Variants in TLK2 observed in about 807,000 individuals in gnomAD.
TLK2 encodes the protein tousled like kinase 2, also known as serine/threonine-protein kinase tousled-like 2.
A neutral mutation model predicts 117.3 loss-of-function variants in TLK2; 6 were observed. The ratio of observed to expected loss-of-function variants is 0.05; its 90% CI spans 0.03 to 0.10. TLK2 has a LOEUF of 0.10. Ranked by LOEUF, TLK2 falls within the 10% of genes least tolerant of loss-of-function variation. TLK2 has a pLI of 1.00. For synonymous variants in TLK2, 257 were observed against 316.7 expected, an observed-to-expected ratio of 0.81 and a Z score of 2.00; for missense variants, 299 against 901.2, an observed-to-expected ratio of 0.33 and a Z score of 8.56.
Position 62,565,144 on chromosome 17 carries a change from G to T in TLK2, c.968+7G>T. ...CTTTTCAGAATCTTATCAAGTAAGT[G>T]AATTGTTATGATTAAATGGAGAATT... On this transcript the variant is annotated splice_region_variant and intron_variant, in intron 11 of 21. Coordinates refer to ENST00000346027, the MANE Select transcript of TLK2 (RefSeq NM_006852.6). 6.3e-7 allele frequency: 1 copy of T among 1,596,844 alleles called. No individual in the cohort carries two copies. Among genetic ancestry groups the T allele is most frequent in the African/African-American group, 1.4e-5 (1 of 73,882 alleles).
intron 6 of TLK2, among the ~76,000 whole-genome samples, chr17:62,530,037 G>A (rs1233191423): frequency 6.6e-6 from 1 of 151,964 alleles, no homozygotes; most frequent in Non-Finnish European, 1.5e-5. Flanking sequence ...ATCCCTGTCT[G>A]TACGAGGCAG....
At chr17:62,565,899 G>A (rs2079748353) in intron 11 of TLK2, among the ~76,000 whole-genome samples, 1 of 152,112 alleles carries the variant, frequency 6.6e-6, no homozygotes, top group African/African-American at 2.4e-5. Context: ...AACTTTATAG[G>A]ACATGTTCCT....
At chr17:62,479,944 C>T (rs1387931982) in intron 1 of TLK2, among the ~76,000 whole-genome samples, 1 of 152,204 alleles carries the variant, frequency 6.6e-6, no homozygotes, top group Non-Finnish European at 1.5e-5. Context: ...TTCTCCCAGT[C>T]TCTTTTTTTT....
chr17:62,507,428 G>A (rs951301074), intron 2 of TLK2: 11 of 152,142 alleles, frequency 7.2e-5, no homozygotes, highest in African/African-American at 2.2e-4. Flanking sequence ...TGGCTATTTT[G>A]ACTCTGGTAT....
At position 62,518,645 on chromosome 17, in the gene TLK2, G is replaced by C. The variant is rs558149628; in HGVS notation, c.82-2128G>C. On this transcript the variant is annotated intron_variant, in intron 2 of 21. Transcript: ENST00000346027. ...TGCTTGAATCTGGGAGGCAGGGGTT[G>C]CAGTGAGCTGATATCACACCTTTGC... Among the ~76,000 whole-genome samples, 29 of 152,210 alleles carry C rather than the reference G, an allele frequency of 1.9e-4. No homozygotes were observed. In the East Asian group the frequency reaches 4.1e-3, roughly 21 times the overall value.
Position 62,509,241 on chromosome 17 carries a change from A to G in TLK2, c.82-11532A>G, listed in dbSNP as rs552879644. On this transcript the variant is annotated intron_variant, in intron 2 of 21. Transcript: ENST00000346027. The stretch of plus-strand genomic sequence containing the variant: ...GTAGCTGGGACCACAGGCATGGGCC[A>G]CCACACCCGGGTAATTTTCTAATTT... 1.5e-3 allele frequency among the ~76,000 whole-genome samples: 231 copies of G among 152,162 alleles called. 1 individual carries two copies. Among genetic ancestry groups the G allele is most frequent in the South Asian group, 4.8e-3 (23 of 4,826 alleles).
intron 2 of TLK2, among the ~76,000 whole-genome samples, chr17:62,492,031 C>T (rs1194463825): frequency 2.6e-5 from 4 of 152,176 alleles, no homozygotes; most frequent in Non-Finnish European, 5.9e-5. Flanking sequence ...ATTCTCTGGG[C>T]ACTTCCAATT....
intron 2 of TLK2, among the ~76,000 whole-genome samples, chr17:62,505,999 C>T (rs2074657653): frequency 6.6e-6 from 1 of 152,200 alleles, no homozygotes; most frequent in Non-Finnish European, 1.5e-5. Context: ...AGTCAATACA[C>T]TTTAATCCAA....
chr17:62,544,578 T>A (rs2077769140), intron 7 of TLK2, among the ~76,000 whole-genome samples: 1 of 152,196 alleles, frequency 6.6e-6, no homozygotes, highest in Non-Finnish European at 1.5e-5. Context: ...CACCTGTCTT[T>A]ATGCCAGGAC....
At position 62,612,316 on chromosome 17, in the gene TLK2, C is replaced by T. The variant is rs965719382; in HGVS notation, c.2080-76C>T. Reference sequence around the variant, plus strand: ...GATATTTGCTCTGGGCCCTGGCAGCCGATAGAGAGCCTTAGGGTTCCCTCC... The same window carrying T: ...GATATTTGCTCTGGGCCCTGGCAGCTGATAGAGAGCCTTAGGGTTCCCTCC... On this transcript the variant is annotated intron_variant, in intron 21 of 21. Transcript: ENST00000346027. 4.5e-5 allele frequency: 68 copies of T among 1,494,534 alleles called. 1 individual carries two copies. Among genetic ancestry groups the T allele is most frequent in the South Asian group, 1.7e-4 (13 of 75,514 alleles). The allele number at this position is 1,494,534 out of a possible 1,614,324, so 92.6% of individuals were successfully genotyped here. A position where few individuals can be genotyped will look rare whatever the true frequency, so the allele number is the denominator to read the frequency against.
At chr17:62,526,787 A>G (rs1294148328) in intron 6 of TLK2, among the ~76,000 whole-genome samples, 1 of 152,200 alleles carries the variant, frequency 6.6e-6, no homozygotes, top group Non-Finnish European at 1.5e-5. Flanking sequence ...TTTAAAATAT[A>G]TTAGAATATG....
intron 13 of TLK2, among the ~76,000 whole-genome samples, chr17:62,577,709 A>G (rs1236245425): frequency 6.6e-6 from 1 of 152,158 alleles, no homozygotes; most frequent in African/African-American, 2.4e-5. Flanking sequence ...TTCACATATT[A>G]GTTTTCATGC....
chr17:62,605,482 C>T (rs555146998), intron 19 of TLK2, among the ~76,000 whole-genome samples: 1 of 152,206 alleles, frequency 6.6e-6, no homozygotes, highest in Non-Finnish European at 1.5e-5. Flanking sequence ...CGGTGATCCT[C>T]CCGCCTCAGC....
chr17:62,600,718 A>T lies in TLK2; in HGVS notation c.1618A>T (p.Met540Leu). 3.1e-6 allele frequency: 5 copies of T among 1,613,124 alleles called. No homozygotes were observed. Among genetic ancestry groups the T allele is most frequent in the Non-Finnish European group, 4.2e-6 (5 of 1,179,836 alleles). Reference sequence around the variant, plus strand: ...CTTCTACCTGAAACAGCACAAATTAATGTCGGAGAAAGAGGCCCGGTCCAT... The same window carrying T: ...CTTCTACCTGAAACAGCACAAATTATTGTCGGAGAAAGAGGCCCGGTCCAT... Reference protein sequence around the residue: ...LDFYLKQHKLMSEKEARSIIM... With the variant: ...LDFYLKQHKLLSEKEARSIIM... Residue 540 changes from methionine (M) to leucine (L), a missense_variant, in exon 18 of 22, where the codon ATG becomes TTG. Around this residue, in one of 4 missense-constraint regions of TLK2, gnomAD observed 81 missense variants for 370.9 expected, o/e 0.22. Transcript: ENST00000346027.
intron 18 of TLK2, among the ~76,000 whole-genome samples, chr17:62,601,389 G>T (rs1434765025): frequency 6.6e-6 from 1 of 152,102 alleles, no homozygotes; most frequent in Non-Finnish European, 1.5e-5. Context: ...GCTTAGCTTG[G>T]GCATTAGGAA....
chr17:62,516,017 C>T (rs1386457052), intron 2 of TLK2, among the ~76,000 whole-genome samples: 4 of 151,914 alleles, frequency 2.6e-5, no homozygotes, highest in African/African-American at 9.7e-5. Flanking sequence ...CTCCTCCTCC[C>T]GGGTTCAAGT....
Position 62,606,894 on chromosome 17 carries a change from T to C in TLK2, c.1971+653T>C, listed in dbSNP as rs1053135030. Among the ~76,000 whole-genome samples, 3 of 152,186 alleles carry C rather than the reference T, an allele frequency of 2.0e-5. No individual in the cohort carries two copies. In the East Asian group the frequency reaches 5.8e-4, roughly 29 times the overall value. On this transcript the variant is annotated intron_variant, in intron 20 of 21. Coordinates refer to ENST00000346027, the MANE Select transcript of TLK2 (RefSeq NM_006852.6). ...TTTGTTTCAGTGTTTCCCAGTAGGC[T>C]GTGGGTATAAGCCAGATGGGAGTTC...
chr17:62,530,614 A>G (rs879743502), intron 6 of TLK2, among the ~76,000 whole-genome samples: 3 of 152,178 alleles, frequency 2.0e-5, no homozygotes, highest in South Asian at 2.1e-4. Flanking sequence ...GTATGTTTTT[A>G]TTTTGCCTTT....
At chr17:62,612,119 T>G in intron 21 of TLK2, 1 of 296,018 alleles carries the variant, frequency 3.4e-6, no homozygotes, top group East Asian at 6.3e-5. Context: ...GGCAGGAGTA[T>G]TTAGAGGTCA....
Sources: gnomAD v4.1 joint callset for allele counts (sites outside exome capture counted in the v4.1 genomes callset) on GRCh38, gnomAD v4.1.1 for gene constraint, gnomAD v4.1.1 regional missense constraint, MANE v1.5 for transcripts, NCBI Gene and HGNC (gene_info 2026-07-23, HGNC 2026-07-21) for gene names.